The following WLS variants were observed in gnomAD, a reference collection of about 807,000 sequenced individuals.
WLS encodes the protein protein wntless homolog.
In WLS, 23 loss-of-function variants were observed where a neutral mutation model predicts 62.8. That is an observed-to-expected ratio of 0.37 (90% confidence interval 0.26 to 0.52). The LOEUF (loss-of-function observed/expected upper bound fraction) is 0.52, where lower values mean the gene tolerates loss of function less well. WLS is among the 20% of genes least tolerant of loss of function. WLS has a pLI of 0.92. For synonymous variants in WLS, 246 were observed against 244.1 expected (o/e 1.01, Z -0.07); for missense variants, 615 against 697.3 (o/e 0.88, Z 1.33).
At chr1:68,220,812 C>T (rs952092917) in intron 1 of WLS, among the ~76,000 whole-genome samples, 2 of 152,172 alleles carry the variant, frequency 1.3e-5, no homozygotes, top group Non-Finnish European at 2.9e-5. Flanking sequence ...ACAGTTCTGT[C>T]AAGTGGGAAG....
intron 11 of WLS, among the ~76,000 whole-genome samples, chr1:68,130,977 C>T (rs1027380168): frequency 1.2e-4 from 18 of 149,806 alleles, no homozygotes; most frequent in African/African-American, 3.5e-4. Flanking sequence ...CTGCAACCTC[C>T]GCCTCCAGGG....
downstream of WLS, among the ~76,000 whole-genome samples, chr1:68,122,841 GA>G: frequency 6.6e-6 from 1 of 152,288 alleles, no homozygotes; most frequent in Non-Finnish European, 1.5e-5. Flanking sequence ...CATCGGTGGA[GA>G]AGGCAGAACA....
rs111846039 is a variant in WLS, at chr1:68,215,702, C to T, written c.106+16492G>A. ...TCTAAATGTCCAACAATAGATTGAGCAATTTAATTTTATCCATACTATGGG... is the reference window on the plus strand; with the variant it reads ...TCTAAATGTCCAACAATAGATTGAGTAATTTAATTTTATCCATACTATGGG... On this transcript the variant is annotated intron_variant, in intron 1 of 11. Coordinates refer to ENST00000262348, the MANE Select transcript of WLS (RefSeq NM_024911.7). Among the ~76,000 whole-genome samples the T allele has an allele frequency of 3.2e-3, 480 of 152,268 alleles. 7 individuals are homozygous for T. Among genetic ancestry groups the T allele is most frequent in the African/African-American group, 0.011 (468 of 41,548 alleles).
intron 1 of WLS, among the ~76,000 whole-genome samples, chr1:68,230,570 C>CGTGTGTGT (rs112351005): frequency 5.1e-5 from 6 of 118,586 alleles, no homozygotes; most frequent in African/African-American, 1.8e-4. Flanking sequence ...AAAGCCAACC[C>CGTGTGTGT]GTGTGTGTGT....
At chr1:68,164,251 C>T (rs1194319716) in intron 2 of WLS, among the ~76,000 whole-genome samples, 1 of 145,820 alleles carries the variant, frequency 6.9e-6, no homozygotes, top group African/African-American at 2.7e-5. Flanking sequence ...CATGAGCAGA[C>T]AAGAGATTTC....
At chr1:68,114,005 G>A (rs941172524) in intron 11 of WLS, among the ~76,000 whole-genome samples, 4 of 152,288 alleles carry the variant, frequency 2.6e-5, no homozygotes, top group African/African-American at 7.2e-5. Context: ...ACAAATCACC[G>A]ACTGTAATCA....
At chr1:68,190,385 A>G (rs1648221851) in intron 2 of WLS, among the ~76,000 whole-genome samples, 1 of 152,208 alleles carries the variant, frequency 6.6e-6, no homozygotes, top group African/African-American at 2.4e-5. Flanking sequence ...GCTCTTCTGT[A>G]ATCACCTCCC....
rs1650462892 is a variant in WLS, at chr1:68,232,226, T to C, written c.74A>G (p.Gln25Arg). ...CIVGGILLVFQIIAFLVGGLI... is the reference protein window; with the variant it reads ...CIVGGILLVFRIIAFLVGGLI... The stretch of plus-strand genomic sequence containing the variant: ...GCCTCCCACCAGAAAGGCGATGATT[T>C]GGAACACGAGCAGAATCCCACCAAC... Residue 25 changes from glutamine to arginine, a missense_variant, in exon 1 of 12, where the codon CAA becomes CGA. Transcript: ENST00000262348. 1 of 1,614,050 alleles carries C rather than the reference T, an allele frequency of 6.2e-7. No homozygotes were observed. The highest frequency in any genetic ancestry group is 1.3e-5 in the African/African-American group (1 of 74,928).
chr1:68,113,879 AAG>A (rs1646258510), intron 11 of WLS, among the ~76,000 whole-genome samples: 1 of 152,236 alleles, frequency 6.6e-6, no homozygotes, highest in African/African-American at 2.4e-5. Flanking sequence ...GCATTTGAGA[AAG>A]AGTACATCCC....
intron 1 of WLS, among the ~76,000 whole-genome samples, chr1:68,227,525 A>T (rs924226656): frequency 6.6e-6 from 1 of 152,100 alleles, no homozygotes; most frequent in African/African-American, 2.4e-5. Context: ...TACTCTTTTA[A>T]AAAAGAGTAA....
intron 11 of WLS, among the ~76,000 whole-genome samples, chr1:68,136,205 A>G (rs892268322): frequency 3.3e-5 from 5 of 152,124 alleles, no homozygotes; most frequent in Non-Finnish European, 5.9e-5. Context: ...TCTCTCAAGT[A>G]ACTACCCCCC....
chr1:68,200,075 GAATTAATAATCA>G (rs1648917807), intron 1 of WLS, among the ~76,000 whole-genome samples: 1 of 152,132 alleles, frequency 6.6e-6, no homozygotes, highest in South Asian at 2.1e-4. Context: ...CTGTTTATAA[GAATTAATAATCA>G]GAACAGCACC....
At chr1:68,134,890 T>C (rs1001629914) in intron 11 of WLS, among the ~76,000 whole-genome samples, 4 of 152,192 alleles carry the variant, frequency 2.6e-5, no homozygotes, top group African/African-American at 9.7e-5. Context: ...AGCTGCCTAA[T>C]ATATGGCTCA....
At chr1:68,165,867 T>G (rs915063844) in intron 2 of WLS, among the ~76,000 whole-genome samples, 4 of 152,156 alleles carry the variant, frequency 2.6e-5, no homozygotes, top group Non-Finnish European at 5.9e-5. Context: ...TTCTAAATAT[T>G]TAGACACATG....
At chr1:68,157,386 C>A (rs953678616) in intron 3 of WLS, among the ~76,000 whole-genome samples, 2 of 152,166 alleles carry the variant, frequency 1.3e-5, no homozygotes, top group African/African-American at 2.4e-5. Context: ...ACTGGCTCAA[C>A]CTTCCTGTCT....
chr1:68,115,380 C>T (rs995008691), intron 11 of WLS, among the ~76,000 whole-genome samples: 1 of 152,220 alleles, frequency 6.6e-6, no homozygotes, highest in African/African-American at 2.4e-5. Context: ...TGGGATGACA[C>T]TAGGAATTCG....
chr1:68,198,672 C>T (rs764809996), intron 1 of WLS, among the ~76,000 whole-genome samples: 5 of 151,868 alleles, frequency 3.3e-5, no homozygotes, highest in South Asian at 2.1e-4. Context: ...CCATATGGAA[C>T]GTACAAATAA....
intron 11 of WLS, among the ~76,000 whole-genome samples, chr1:68,130,992 A>G (rs991262592): frequency 6.6e-6 from 1 of 150,592 alleles, no homozygotes; most frequent in Non-Finnish European, 1.5e-5. Flanking sequence ...CCAGGGTTCA[A>G]AGAGATTCTC....
intron 11 of WLS, chr1:68,098,913 T>C (rs1646042324): frequency 1.8e-6 from 2 of 1,117,222 alleles, no homozygotes; most frequent in Admixed American, 6.1e-5. Context: ...TCCTTCATTG[T>C]GGGACATTTG....
Sources: allele counts gnomAD v4.1 joint callset (sites outside exome capture counted in the v4.1 genomes callset), GRCh38; gene constraint gnomAD v4.1.1; transcripts MANE v1.5; gene names NCBI Gene and HGNC (gene_info 2026-07-23, HGNC 2026-07-21).